ST3GAL3: variants seen among roughly 807,000 people sequenced by gnomAD.
ST3GAL3 encodes the protein ST3 beta-galactoside alpha-2,3-sialyltransferase 3, also known as CMP-N-acetylneuraminate-beta-1,4-galactoside alpha-2,3-sialyltransferase.
A neutral mutation model predicts 50.1 loss-of-function variants in ST3GAL3; 21 were observed. That is an observed-to-expected ratio of 0.42 (90% confidence interval 0.30 to 0.60). ST3GAL3 has a LOEUF of 0.60. ST3GAL3 is among the 20% of genes least tolerant of loss of function. The probability of loss-of-function intolerance (pLI) is 0.19; values close to 1 mark genes in which losing one functional copy is unlikely to be tolerated. For missense variants in ST3GAL3, 353 were observed against 489.4 expected, an observed-to-expected ratio of 0.72 and a Z score of 2.63; for synonymous variants, 183 against 190.0, an observed-to-expected ratio of 0.96 and a Z score of 0.30.
chr1:43,747,815 A>C (rs1684437883), intron 2 of ST3GAL3, among the ~76,000 whole-genome samples: 1 of 151,798 alleles, frequency 6.6e-6, no homozygotes, highest in Non-Finnish European at 1.5e-5. Flanking sequence ...TCCTAACCTC[A>C]GGTGATCCGC....
At chr1:43,816,469 A>G (rs551514435) in intron 4 of ST3GAL3, among the ~76,000 whole-genome samples, 10 of 152,228 alleles carry the variant, frequency 6.6e-5, no homozygotes, top group Non-Finnish European at 5.9e-5. Flanking sequence ...AGAAAGCCAT[A>G]GGCTTCACTC....
intron 2 of ST3GAL3, among the ~76,000 whole-genome samples, chr1:43,788,035 C>A (rs1280845324): frequency 3.3e-5 from 5 of 152,268 alleles, no homozygotes; most frequent in Non-Finnish European, 2.9e-5. Flanking sequence ...AGGTTAAAAT[C>A]CTAGAGCGGG....
intron 5 of ST3GAL3, among the ~76,000 whole-genome samples, chr1:43,861,253 A>G (rs2069852723): frequency 6.6e-6 from 1 of 152,224 alleles, no homozygotes; most frequent in African/African-American, 2.4e-5. Context: ...CAAAATGCGA[A>G]TAACAGCCCC....
chr1:43,824,248 G>A (rs1298574476), intron 4 of ST3GAL3, among the ~76,000 whole-genome samples: 1 of 152,014 alleles, frequency 6.6e-6, no homozygotes, highest in African/African-American at 2.4e-5. Flanking sequence ...GGACTGTCAG[G>A]TGGCCCCTTC....
At chr1:43,803,848 C>T (rs1226900978) in intron 3 of ST3GAL3, among the ~76,000 whole-genome samples, 1 of 152,222 alleles carries the variant, frequency 6.6e-6, no homozygotes, top group African/African-American at 2.4e-5. Context: ...GGATTTGCAT[C>T]AGCCATGTCA....
At chr1:43,917,630 AAT>A (rs2082248332) in intron 9 of ST3GAL3, among the ~76,000 whole-genome samples, 2 of 56,682 alleles carry the variant, frequency 3.5e-5, no homozygotes, top group Non-Finnish European at 6.1e-5. Context: ...TATTATATAT[AAT>A]ATATAATATA....
intron 4 of ST3GAL3, among the ~76,000 whole-genome samples, chr1:43,819,889 G>A (rs1391964772): frequency 1.3e-5 from 2 of 152,104 alleles, no homozygotes; most frequent in Non-Finnish European, 1.5e-5. Flanking sequence ...TCTGTTCTGT[G>A]TTAATTTGTT....
At chr1:43,825,042 C>T (rs2062605541) in intron 4 of ST3GAL3, 1 of 663,328 alleles carries the variant, frequency 1.5e-6, no homozygotes, top group Non-Finnish European at 2.8e-6. Context: ...TGATTCATAA[C>T]TAAGACCTCA....
chr1:43,834,787 C>T (rs74073313), intron 4 of ST3GAL3, among the ~76,000 whole-genome samples: 1,777 of 152,356 alleles, frequency 0.012, 38 homozygotes, highest in African/African-American at 0.041. Flanking sequence ...TGTGCTCCCT[C>T]ACCACATCCT....
intron 5 of ST3GAL3, chr1:43,851,586 A>G: frequency 1.4e-6 from 2 of 1,400,890 alleles, no homozygotes; most frequent in Admixed American, 1.7e-5. Flanking sequence ...CTCCGAGGTA[A>G]TCAGCTCCAA....
intron 5 of ST3GAL3, among the ~76,000 whole-genome samples, chr1:43,872,325 T>G (rs1311872258): frequency 8.1e-4 from 41 of 50,570 alleles, no homozygotes; most frequent in East Asian, 1.0e-3. Context: ...AGAGGGGGAG[T>G]GTTGGGGAAG....
At chr1:43,812,566 ATCC>A (rs2060689021) in intron 3 of ST3GAL3, among the ~76,000 whole-genome samples, 1 of 152,230 alleles carries the variant, frequency 6.6e-6, no homozygotes, top group African/African-American at 2.4e-5. Context: ...GGCTCACGCC[ATCC>A]TCCTACCTCA....
chr1:43,849,893 G>C (rs922671392), intron 5 of ST3GAL3, among the ~76,000 whole-genome samples: 2 of 152,234 alleles, frequency 1.3e-5, no homozygotes, highest in African/African-American at 4.8e-5. Flanking sequence ...GTGTGTACAA[G>C]CTGTGGACAG....
Position 43,849,593 on chromosome 1 carries a change from G to A in ST3GAL3, c.302+11282G>A, listed in dbSNP as rs564685688. ...GAAAATAAAGTTTCTTTGGGAAGGT[G>A]ACATTTGGTTTCCTGATTATGGGAG... On this transcript the variant is annotated intron_variant, in intron 5 of 11. Transcript: ENST00000347631. 2.0e-5 allele frequency among the ~76,000 whole-genome samples: 3 copies of A among 152,296 alleles called. No individual in the cohort carries two copies. In the South Asian group the frequency reaches 6.2e-4, roughly 32 times the overall value.
chr1:43,886,747 C>T (rs6693624), intron 5 of ST3GAL3, among the ~76,000 whole-genome samples: 3,053 of 152,240 alleles, frequency 0.02, 102 homozygotes, highest in African/African-American at 0.07. Flanking sequence ...GAAGTGGAGA[C>T]AGGATATCCA....
At chr1:43,847,170 T>C (rs116398608) in intron 5 of ST3GAL3, among the ~76,000 whole-genome samples, 5,612 of 152,274 alleles carry the variant, frequency 0.037, 137 homozygotes, top group East Asian at 0.14. Flanking sequence ...GGCAAGCATG[T>C]AGAGAAATTA....
intron 3 of ST3GAL3, among the ~76,000 whole-genome samples, chr1:43,812,739 A>G (rs1366332979): frequency 6.6e-6 from 1 of 152,240 alleles, no homozygotes; most frequent in Non-Finnish European, 1.5e-5. Context: ...TGCTGGGATT[A>G]CAGGTGTGAG....
At chr1:43,815,021 C>A in intron 4 of ST3GAL3, 88 bp downstream of exon 4, 2 of 1,313,274 alleles carry the variant, frequency 1.5e-6, no homozygotes, top group Non-Finnish European at 1.1e-6. Flanking sequence ...TCTCATCACT[C>A]TTCTGGTGAC....
chr1:43,817,346 CCTT>C (rs942799455), intron 4 of ST3GAL3, among the ~76,000 whole-genome samples: 35 of 150,316 alleles, frequency 2.3e-4, no homozygotes, highest in Middle Eastern at 3.4e-3. Context: ...CTTCCTTCTT[CCTT>C]CTTCTTCTTC....
Sources: allele counts gnomAD v4.1 joint callset (sites outside exome capture counted in the v4.1 genomes callset), GRCh38; gene constraint gnomAD v4.1.1; transcripts MANE v1.5; gene names NCBI Gene and HGNC (gene_info 2026-07-23, HGNC 2026-07-21).